MINAR1: variants seen among roughly 807,000 people sequenced by gnomAD.
MINAR1 encodes major intrinsically disordered Notch2-binding receptor 1.
MINAR1 carries 40 observed loss-of-function variants against 65.1 expected under a neutral mutation model. That is an observed-to-expected ratio of 0.61 (90% CI 0.48 to 0.80). MINAR1 has a LOEUF of 0.80. Among genes scored for constraint, MINAR1 ranks in the 30% least tolerant of loss-of-function variants. The probability of loss-of-function intolerance (pLI) is 0.00; values close to 1 mark genes in which losing one functional copy is unlikely to be tolerated. For synonymous variants in MINAR1, 482 were observed against 449.1 expected (o/e 1.07, Z -0.93); for missense variants, 1,128 against 1,148.0 (o/e 0.98, Z 0.25).
At chr15:79,446,982 G>A (rs1895040795) in intron 1 of MINAR1, among the ~76,000 whole-genome samples, 1 of 152,134 alleles carries the variant, frequency 6.6e-6, no homozygotes, top group African/African-American at 2.4e-5. Flanking sequence ...TGCCTCCTGG[G>A]TCCAAAAGCT....
In MINAR1 at chr15:79,456,082, A is replaced by G. The variant is rs1260524568; in HGVS notation, c.-50-16A>G. The G allele has an allele frequency of 6.6e-6, 10 of 1,507,488 alleles. No individual in the cohort carries two copies. Among genetic ancestry groups the G allele is most frequent in the Non-Finnish European group, 7.2e-6 (8 of 1,110,736 alleles). The allele number at this position is 1,507,488 out of a possible 1,614,324, so 93.4% of individuals were successfully genotyped here. On this transcript the variant is annotated splice_polypyrimidine_tract_variant and intron_variant, in intron 1 of 3. Transcript: ENST00000305428. ...ATCCTCTTTTCCTCCTCTCTTTCTCAATATTGCCACCACAGAACTGACCTG... is the reference window on the plus strand; with the variant it reads ...ATCCTCTTTTCCTCCTCTCTTTCTCGATATTGCCACCACAGAACTGACCTG...
Position 79,456,672 on chromosome 15 carries a change from T to A in MINAR1, c.525T>A (p.Pro175=). 15 of 1,614,174 alleles carry A rather than the reference T, an allele frequency of 9.3e-6. No individual in the cohort carries two copies. Among genetic ancestry groups the A allele is most frequent in the Non-Finnish European group, 1.3e-5 (15 of 1,180,032 alleles). Residue 175 remains proline (P), a synonymous_variant, in exon 2 of 4, where the codon CCT becomes CCA. Coordinates refer to ENST00000305428, the MANE Select transcript of MINAR1 (RefSeq NM_015206.3). The part of the protein sequence containing the change: ...DCPQFVPASE[P]NFLLGVSKEV... ...CACAGTTTGTCCCTGCCTCTGAGCC[T>A]AACTTCCTGTTGGGAGTTAGCAAAG...
chr15:79,452,912 AGT>A (rs2141289843), intron 1 of MINAR1, among the ~76,000 whole-genome samples: 1 of 143,360 alleles, frequency 7.0e-6, no homozygotes, highest in East Asian at 2.2e-4. Context: ...GGTGAATCTG[AGT>A]GAAGCTATGT....
In MINAR1 at chr15:79,471,144, A is replaced by C. The variant is rs971317981; in HGVS notation, c.*2760A>C. On this transcript the variant is annotated 3_prime_UTR_variant, in exon 4 of 4. Transcript: ENST00000305428. ...GTTGCAATGAGTTCCCGCAGGTGAC[A>C]TACGGACTGGCCTCTCTACTGTACT... 2 of 152,194 alleles carry C rather than the reference A, an allele frequency of 1.3e-5. No individual in the cohort carries two copies. The highest frequency in any genetic ancestry group is 2.9e-5 in the Non-Finnish European group (2 of 68,040). The allele number at this position is 152,194 out of a possible 1,614,324, so 9.4% of individuals were successfully genotyped here.
intron 1 of MINAR1, among the ~76,000 whole-genome samples, chr15:79,440,266 C>T (rs571076649): frequency 6.6e-6 from 1 of 152,136 alleles, no homozygotes; most frequent in East Asian, 1.9e-4. Flanking sequence ...AGGAGAAGAT[C>T]TGGGGTTTGG....
intron 1 of MINAR1, among the ~76,000 whole-genome samples, chr15:79,437,479 G>C: frequency 1.3e-5 from 2 of 150,788 alleles, no homozygotes; most frequent in Non-Finnish European, 1.5e-5. Context: ...TGGGTGGGTA[G>C]TGAGTAGGTG....
intron 1 of MINAR1, among the ~76,000 whole-genome samples, chr15:79,447,833 G>A (rs1425689102): frequency 6.6e-6 from 1 of 152,066 alleles, no homozygotes; most frequent in Non-Finnish European, 1.5e-5. Flanking sequence ...CCCAGGCAGA[G>A]GCTGACAAGT....
chr15:79,424,466 AT>A, the MINAR1 span: 1 of 152,242 alleles, frequency 6.6e-6, no homozygotes, highest in Non-Finnish European at 1.5e-5. Flanking sequence ...TGGTGAAGTC[AT>A]TTCATTCACA....
chr15:79,420,629 T>C, the MINAR1 span: 5 of 152,190 alleles, frequency 3.3e-5, no homozygotes, highest in African/African-American at 9.7e-5. Context: ...AAACTTGGTT[T>C]CCTAACCCTA....
Position 79,471,511 on chromosome 15 carries a change from TAC to T in MINAR1, c.*3128_*3129del, listed in dbSNP as rs1158370928. ...CTAAATCATAACTTACATCATCCAT[TAC>T]TAGCTGATCATAAATTGTTAGTATT... On this transcript the variant is annotated 3_prime_UTR_variant, in exon 4 of 4. Coordinates refer to ENST00000305428, the MANE Select transcript of MINAR1 (RefSeq NM_015206.3). The T allele has an allele frequency of 1.3e-5, 2 of 152,608 alleles. No individual in the cohort carries two copies. The highest frequency in any genetic ancestry group is 3.8e-4 in the East Asian group (2 of 5,202). 9.5% of individuals were successfully genotyped at this position (152,608 alleles called of 1,614,324 possible).
At chr15:79,455,473 T>C (rs1895381323) in intron 1 of MINAR1, among the ~76,000 whole-genome samples, 1 of 152,188 alleles carries the variant, frequency 6.6e-6, no homozygotes, top group Admixed American at 6.5e-5. Context: ...ATGCCTACAG[T>C]CATGTAACCA....
Position 79,456,341 on chromosome 15 carries a change from T to A in MINAR1, c.194T>A (p.Phe65Tyr). The A allele has an allele frequency of 6.2e-7, 1 of 1,614,202 alleles. No individual in the cohort carries two copies. The highest frequency in any genetic ancestry group is 2.2e-5 in the East Asian group (1 of 44,890). The change falls in exon 2 of 4, where the codon TTC (phenylalanine) becomes TAC (tyrosine). Residue 65 changes from phenylalanine to tyrosine, a missense_variant. Coordinates refer to ENST00000305428, the MANE Select transcript of MINAR1 (RefSeq NM_015206.3). ...CLDPNFPATLFKDKMKCTVNN... is the reference protein window; with the variant it reads ...CLDPNFPATLYKDKMKCTVNN... ...GATCCCAATTTTCCAGCCACGCTATTCAAAGACAAGATGAAATGCACTGTG... is the reference window on the plus strand; with the variant it reads ...GATCCCAATTTTCCAGCCACGCTATACAAAGACAAGATGAAATGCACTGTG...
chr15:79,414,635 G>T, the MINAR1 span: 7 of 152,184 alleles, frequency 4.6e-5, no homozygotes, highest in Non-Finnish European at 7.3e-5. Flanking sequence ...AATGAGGATG[G>T]TATAGCTAAA....
chr15:79,465,435 C>G (rs1343984575), intron 3 of MINAR1, among the ~76,000 whole-genome samples: 1 of 151,678 alleles, frequency 6.6e-6, no homozygotes, highest in African/African-American at 2.4e-5. Context: ...TTTGCCAGGG[C>G]TAATTAATAA....
At chr15:79,460,391 T>G (rs1895603017) in intron 2 of MINAR1, among the ~76,000 whole-genome samples, 1 of 152,176 alleles carries the variant, frequency 6.6e-6, no homozygotes, top group South Asian at 2.1e-4. Context: ...TCTCACTATT[T>G]CCATTCTGGG....
intron 1 of MINAR1, among the ~76,000 whole-genome samples, chr15:79,439,901 G>A (rs1041766792): frequency 6.6e-6 from 1 of 152,008 alleles, no homozygotes; most frequent in African/African-American, 2.4e-5. Flanking sequence ...CATAACCTCA[G>A]CCTGAGCCAA....
At chr15:79,444,466 T>C (rs1371607851) in intron 1 of MINAR1, among the ~76,000 whole-genome samples, 2 of 152,154 alleles carry the variant, frequency 1.3e-5, no homozygotes, top group Non-Finnish European at 2.9e-5. Context: ...GCTTCTTCCA[T>C]TTTCCTTTGT....
At chr15:79,460,695 C>T (rs1895613216) in intron 2 of MINAR1, among the ~76,000 whole-genome samples, 1 of 152,162 alleles carries the variant, frequency 6.6e-6, no homozygotes, top group African/African-American at 2.4e-5. Context: ...GCCCCCTATT[C>T]CCCACTCTTC....
At chr15:79,450,012 C>A (rs954710417) in intron 1 of MINAR1, among the ~76,000 whole-genome samples, 1 of 152,190 alleles carries the variant, frequency 6.6e-6, no homozygotes, top group African/African-American at 2.4e-5. Flanking sequence ...AATTCATCTC[C>A]CCCTTAATCG....
Sources: allele counts gnomAD v4.1 joint callset (sites outside exome capture counted in the v4.1 genomes callset), GRCh38; gene constraint gnomAD v4.1.1; transcripts MANE v1.5; gene names NCBI Gene and HGNC (gene_info 2026-07-23, HGNC 2026-07-21).